Variants in LOXHD1 observed in about 807,000 individuals in gnomAD.
LOXHD1 encodes the protein lipoxygenase homology domain-containing protein 1.
Under a neutral mutation model 248.2 loss-of-function variants are expected in LOXHD1, and 205 were observed. That is an observed-to-expected ratio of 0.83 (90% CI 0.74 to 0.93). The LOEUF (loss-of-function observed/expected upper bound fraction) is 0.93, where lower values mean the gene tolerates loss of function less well. LOXHD1 is among the 40% of genes least tolerant of loss of function. LOXHD1 has a pLI of 0.00. For missense variants in LOXHD1, 2,930 were observed against 2,971.6 expected, an observed-to-expected ratio of 0.99 and a Z score of 0.33; for synonymous variants, 1,113 against 1,162.8, an observed-to-expected ratio of 0.96 and a Z score of 0.87.
chr18:46,649,731 G>A (rs566476528), intron 1 of LOXHD1, among the ~76,000 whole-genome samples: 5 of 152,174 alleles, frequency 3.3e-5, no homozygotes, highest in South Asian at 2.1e-4. Context: ...AGAATAAGCC[G>A]TCCCAGGGCT....
rs937371282 is a variant in LOXHD1 at position 46,545,408 on chromosome 18, T to C, written c.3528A>G (p.Thr1176=). ...CCCCAGTCTTTATGGTCACTGAGAA[T>C]GTGGTAGATTTATCTGCCAAGAGAA... ...LALEQKDKST[T]FSVTIKTGVK... is the part of the protein sequence containing the mutation. The change falls in exon 23 of 41, where the codon ACA becomes ACG. Residue 1176 remains threonine, a synonymous_variant. Coordinates refer to ENST00000642948, the MANE Select transcript of LOXHD1 (RefSeq NM_001384474.1). The C allele has an allele frequency of 1.3e-6, 2 of 1,551,480 alleles. No individual in the cohort carries two copies. The highest frequency in any genetic ancestry group is 1.7e-4 in the Middle Eastern group (1 of 5,998).
At position 46,522,090 on chromosome 18, in the gene LOXHD1, G is replaced by T; in HGVS notation, c.5085+11C>A. 1 of 1,544,486 alleles carries T rather than the reference G, an allele frequency of 6.5e-7. No individual in the cohort carries two copies. On this transcript the variant is annotated intron_variant, in intron 32 of 40. Coordinates refer to ENST00000642948, the MANE Select transcript of LOXHD1 (RefSeq NM_001384474.1). ...GGTGGTCACTATCATGGGGCCCCGA[G>T]AAGCCAGCACCTCTATTTTCTTGAT...
chr18:46,611,026 C>G, intron 5 of LOXHD1, 102 bp from the exon 6 acceptor site: 3 of 1,372,376 alleles, frequency 2.2e-6, no homozygotes, highest in Non-Finnish European at 3.0e-6. Context: ...CCAAAGTTAA[C>G]AAGGGCAACT....
intron 4 of LOXHD1, among the ~76,000 whole-genome samples, chr18:46,638,035 A>G (rs1178601417): frequency 1.3e-5 from 2 of 152,196 alleles, no homozygotes; most frequent in Non-Finnish European, 2.9e-5. Context: ...GATCCAGTGA[A>G]TAAATGATGG....
chr18:46,627,074 T>G (rs992737019), intron 4 of LOXHD1, among the ~76,000 whole-genome samples: 2 of 152,246 alleles, frequency 1.3e-5, no homozygotes, highest in Admixed American at 6.5e-5. Context: ...ATGGCCATAT[T>G]TTTTCTGTGA....
In LOXHD1 at chr18:46,477,709, G is replaced by C. The variant is rs1383480417; in HGVS notation, c.6585C>G (p.Arg2195=). Residue 2195 remains arginine (R), a synonymous_variant, in exon 41 of 41, where the codon CGC becomes CGG. Coordinates refer to ENST00000642948, the MANE Select transcript of LOXHD1 (RefSeq NM_001384474.1). ...TGKRELKQKM[R]NLFERGSTDR... ...CTGTGCTGCCCCGCTCGAAGAGGTTGCGCATTTTCTGCTTCAGCTCCCGCT... is the reference window on the plus strand; with the variant it reads ...CTGTGCTGCCCCGCTCGAAGAGGTTCCGCATTTTCTGCTTCAGCTCCCGCT... The C allele has an allele frequency of 1.9e-6, 3 of 1,551,836 alleles. No individual in the cohort carries two copies. In the African/African-American group the frequency reaches 4.1e-5, roughly 21 times the overall value.
intron 40 of LOXHD1, 22 bp downstream of exon 40, chr18:46,483,565 T>C: frequency 6.4e-7 from 1 of 1,551,376 alleles, no homozygotes; most frequent in Non-Finnish European, 8.7e-7. Context: ...GGCACTTCCT[T>C]GGGGAGAGGC....
chr18:46,640,844 G>C (rs759659774), intron 3 of LOXHD1, among the ~76,000 whole-genome samples: 4 of 152,094 alleles, frequency 2.6e-5, no homozygotes, highest in Non-Finnish European at 5.9e-5. Context: ...CCAACGTCCA[G>C]TTTCTTGACC....
intron 37 of LOXHD1, among the ~76,000 whole-genome samples, chr18:46,491,899 C>T (rs778952846): frequency 1.3e-5 from 2 of 152,220 alleles, no homozygotes; most frequent in Non-Finnish European, 1.5e-5. Context: ...GCCTCTCTTC[C>T]CACTGTGGCC....
At chr18:46,492,826 T>A (rs544853846) in intron 37 of LOXHD1, among the ~76,000 whole-genome samples, 29 of 152,350 alleles carry the variant, frequency 1.9e-4, no homozygotes, top group African/African-American at 6.5e-4. Context: ...TTTCATTGAA[T>A]GCACGTATCA....
intron 2 of LOXHD1, among the ~76,000 whole-genome samples, chr18:46,648,514 C>T (rs1399995772): frequency 6.6e-6 from 1 of 152,190 alleles, no homozygotes; most frequent in Non-Finnish European, 1.5e-5. Flanking sequence ...AGGCCCAAAA[C>T]GTCTCTGAAA....
chr18:46,511,231 T>G (rs1308375610), intron 34 of LOXHD1, among the ~76,000 whole-genome samples: 4 of 152,154 alleles, frequency 2.6e-5, no homozygotes, highest in Non-Finnish European at 5.9e-5. Flanking sequence ...TGTAAAACCA[T>G]CTAAAGTGAA....
chr18:46,604,174 C>T lies in LOXHD1; in HGVS notation c.815G>A (p.Trp272Ter). The stretch of plus-strand genomic sequence containing the variant: ...GCCATCGTCTTCGTCCAAGGCCAGC[C>T]AGCGGTTAAGGGGGAAGTCATATTT... ...KRKYDFPLNR[W>*]LALDEDDGKI... is the part of the protein sequence containing the mutation. The change falls in exon 7 of 41, where the codon TGG becomes TAG. Residue 272 changes from tryptophan (W) to a stop codon, truncating the protein, a stop_gained. Transcript: ENST00000642948. LOFTEE classifies it high-confidence loss of function. 1.3e-6 allele frequency: 2 copies of T among 1,551,748 alleles called. No individual in the cohort carries two copies. Among genetic ancestry groups the T allele is most frequent in the Non-Finnish European group, 1.7e-6 (2 of 1,146,994 alleles).
At chr18:46,641,117 G>A (rs924637938) in intron 3 of LOXHD1, among the ~76,000 whole-genome samples, 1 of 151,232 alleles carries the variant, frequency 6.6e-6, no homozygotes, top group Non-Finnish European at 1.5e-5. Context: ...TTCCCTGCTC[G>A]TAACCTCCTT....
chr18:46,514,898 C>T (rs1335043628), intron 34 of LOXHD1, among the ~76,000 whole-genome samples: 5 of 152,242 alleles, frequency 3.3e-5, no homozygotes, highest in Non-Finnish European at 5.9e-5. Context: ...TCTACACCCA[C>T]TGGACACCAA....
At chr18:46,543,004 T>C (rs571195574) in intron 23 of LOXHD1, 149 bp from the exon 24 acceptor site, 1 of 1,151,794 alleles carries the variant, frequency 8.7e-7, no homozygotes, top group African/African-American at 1.6e-5. Context: ...TTGGCCACCT[T>C]TGCACAGTGG....
chr18:46,609,151 G>A (rs1395733232), intron 6 of LOXHD1, among the ~76,000 whole-genome samples: 2 of 152,164 alleles, frequency 1.3e-5, no homozygotes, highest in African/African-American at 4.8e-5. Context: ...CTGGAACATA[G>A]ATAAGATGCC....
chr18:46,569,641 G>T lies in LOXHD1; in HGVS notation c.2048-3C>A. 6.5e-7 allele frequency: 1 copy of T among 1,550,270 alleles called. No individual in the cohort carries two copies. The highest frequency in any genetic ancestry group is 1.2e-5 in the South Asian group (1 of 83,998). ...CAAGCTGATGTGATAGCGAAAGTCT[G>T]AACAGCCCAAGGCAGAGGGAGGAAG... On this transcript the variant is annotated splice_polypyrimidine_tract_variant and splice_region_variant and intron_variant, in intron 15 of 40. Coordinates refer to ENST00000642948, the MANE Select transcript of LOXHD1 (RefSeq NM_001384474.1).
intron 38 of LOXHD1, among the ~76,000 whole-genome samples, chr18:46,487,526 C>T (rs1013735962): frequency 1.2e-4 from 18 of 152,192 alleles, no homozygotes; most frequent in African/African-American, 3.9e-4. Flanking sequence ...TTCAGGCCCA[C>T]GGTTTACGCT....
Sources: allele counts gnomAD v4.1 joint callset (sites outside exome capture counted in the v4.1 genomes callset), GRCh38; gene constraint gnomAD v4.1.1; transcripts MANE v1.5; gene names NCBI Gene and HGNC (gene_info 2026-07-23, HGNC 2026-07-21).